Variants in ATAD2 observed in about 807,000 individuals in gnomAD.
The protein encoded by ATAD2 is ATPase family AAA domain-containing protein 2.
Under a neutral mutation model 168.9 loss-of-function variants are expected in ATAD2, and 62 were observed. That is an observed-to-expected ratio of 0.37 (90% CI 0.30 to 0.45). ATAD2 has a LOEUF of 0.45. Among genes scored for constraint, ATAD2 ranks in the 20% least tolerant of loss-of-function variants. ATAD2 has a pLI of 1.00. For missense variants in ATAD2, 1,419 were observed against 1,667.8 expected, an observed-to-expected ratio of 0.85 and a Z score of 2.60; for synonymous variants, 613 against 571.6, an observed-to-expected ratio of 1.07 and a Z score of -1.03.
In ATAD2 at chr8:123,344,902, A is replaced by T; in HGVS notation, c.2700T>A (p.His900Gln). The change falls in exon 19 of 28, where the codon CAT becomes CAA. Residue 900 changes from histidine (H) to glutamine (Q), a missense_variant. Physicochemically the swap from His to Gln is conservative, Grantham distance 24. Transcript: ENST00000287394. ...VLLLATSDKP[H>Q]SALPEEVQEL... ...AAATTACCTCTTCTGGCAAAGCGGA[A>T]TGGGGTTTGTCAGAAGTTGCAAGTA... The T allele has an allele frequency of 6.2e-7, 1 of 1,614,034 alleles. No individual in the cohort carries two copies. Among genetic ancestry groups the T allele is most frequent in the Non-Finnish European group, 8.5e-7 (1 of 1,179,916 alleles).
At chr8:123,356,282 C>G in intron 13 of ATAD2, 107 bp downstream of exon 13, 1 of 885,436 alleles carries the variant, frequency 1.1e-6, no homozygotes, top group Non-Finnish European at 1.7e-6. Flanking sequence ...AAAAAAGGAA[C>G]TACTAGCTTA....
In ATAD2 at chr8:123,372,799, C is replaced by T. The variant is rs368608548; in HGVS notation, c.321-113G>A. 249 of 814,730 alleles carry T rather than the reference C, an allele frequency of 3.1e-4. 2 individuals carry two copies. The South Asian group carries it at 4.1e-3, about 13-fold the overall frequency. 50.5% of individuals were successfully genotyped at this position (814,730 alleles called of 1,614,324 possible). A position where few individuals can be genotyped will look rare whatever the true frequency, so the allele number is the denominator to read the frequency against. On this transcript the variant is annotated intron_variant, in intron 2 of 27. Coordinates refer to ENST00000287394, the MANE Select transcript of ATAD2 (RefSeq NM_014109.4). ...CAGGAGTGCAGTGGCACAATCATGA[C>T]TCACTACAGCCTCAAACTGCTGGGC... is the stretch of plus-strand genomic sequence containing the variant.
intron 2 of ATAD2, among the ~76,000 whole-genome samples, chr8:123,376,727 G>A (rs947153148): frequency 3.3e-5 from 5 of 152,126 alleles, no homozygotes; most frequent in African/African-American, 4.8e-5. Flanking sequence ...GGCTGAGGCA[G>A]GGGGATTGCT....
At chr8:123,407,590 G>A (rs1307424781) in intron 1 of ATAD2, among the ~76,000 whole-genome samples, 2 of 152,106 alleles carry the variant, frequency 1.3e-5, no homozygotes, top group Non-Finnish European at 2.9e-5. Flanking sequence ...TGGGTGTGGT[G>A]GCGGGCGCCT....
At chr8:123,354,026 C>T (rs927023518) in intron 13 of ATAD2, among the ~76,000 whole-genome samples, 1 of 151,674 alleles carries the variant, frequency 6.6e-6, no homozygotes, top group South Asian at 2.1e-4. Context: ...CCCAGCTACT[C>T]GGGAGGCTGA....
intron 2 of ATAD2, among the ~76,000 whole-genome samples, chr8:123,376,249 T>C (rs1347057109): frequency 6.6e-6 from 1 of 151,466 alleles, no homozygotes; most frequent in African/African-American, 2.4e-5. Context: ...CTACTAAAAA[T>C]AGAAAAATTA....
intron 24 of ATAD2, among the ~76,000 whole-genome samples, chr8:123,330,742 G>A (rs1377500843): frequency 1.3e-5 from 2 of 152,026 alleles, no homozygotes; most frequent in Non-Finnish European, 2.9e-5. Flanking sequence ...CTTCTGCTTT[G>A]TCATATAATG....
intron 3 of ATAD2, 55 bp from the exon 4 acceptor site, chr8:123,371,890 T>TA (rs1829160608): frequency 7.3e-7 from 1 of 1,375,960 alleles, no homozygotes; most frequent in Non-Finnish European, 9.6e-7. Context: ...ATAGTATTTA[T>TA]AAAACAATTC....
rs561109150 is a variant in ATAD2, at chr8:123,396,078, C to CA, written c.171+108dup. ...GTCCTCGACCACACTTCTCCCCCGA[C>CA]AACTGTCACCCTGACCGGCGCCGCC... On this transcript the variant is annotated intron_variant, in intron 1 of 27. Transcript: ENST00000287394. 49 of 1,245,348 alleles carry CA rather than the reference C, an allele frequency of 3.9e-5. 1 individual carries two copies. In the South Asian group the frequency reaches 7.3e-4, roughly 19 times the overall value. The allele number at this position is 1,245,348 out of a possible 1,614,324, so 77.1% of individuals were successfully genotyped here.
At chr8:123,366,772 A>C (rs921290169) in intron 8 of ATAD2, among the ~76,000 whole-genome samples, 1 of 152,060 alleles carries the variant, frequency 6.6e-6, no homozygotes, top group Non-Finnish European at 1.5e-5. Context: ...AAAGACAACA[A>C]GTTGTGTTCA....
chr8:123,370,445 C>G (rs1192436780), intron 6 of ATAD2, among the ~76,000 whole-genome samples: 1 of 152,046 alleles, frequency 6.6e-6, no homozygotes, highest in Non-Finnish European at 1.5e-5. Context: ...TTTCACCCAG[C>G]CCATCTGGCT....
At chr8:123,340,132 C>T (rs1354580399) in intron 19 of ATAD2, among the ~76,000 whole-genome samples, 1 of 152,136 alleles carries the variant, frequency 6.6e-6, no homozygotes, top group Non-Finnish European at 1.5e-5. Context: ...TTAAGTGATC[C>T]TCCTGCCCTG....
At position 123,396,229 on chromosome 8, in the gene ATAD2, G is replaced by A. The variant is rs1414621647; in HGVS notation, c.129C>T (p.Gly43=). The part of the protein sequence containing the change: ...HIGRRRLRSA[G]AAQKKPAATT... ...TCGCCGCGGGTTTCTTCTGCGCCGC[G>A]CCGGCCGAGCGGAGCCGCCTCCGGC... The change falls in exon 1 of 28, where the codon GGC becomes GGT. Residue 43 remains glycine, a synonymous_variant. Transcript: ENST00000287394. 1.9e-6 allele frequency: 3 copies of A among 1,601,188 alleles called. No homozygotes were observed. The highest frequency in any genetic ancestry group is 1.8e-4 in the Middle Eastern group (1 of 5,562).
chr8:123,349,384 C>T lies in ATAD2; in HGVS notation c.1707G>A (p.Val569=), dbSNP rs149210840. ...MDGLDSRGEI[V]VIGATNRLDS... ...CTAGCCTGTTCGTAGCACCAATGAC[C>T]ACAATTTCCCCTCTGCTGTCCAATC... is the stretch of plus-strand genomic sequence containing the variant. The change falls in exon 14 of 28, where the codon GTG becomes GTA. Residue 569 remains valine (V), a synonymous_variant. Transcript: ENST00000287394. 3 of 1,614,040 alleles carry T rather than the reference C, an allele frequency of 1.9e-6. No individual in the cohort carries two copies. Among genetic ancestry groups the T allele is most frequent in the Non-Finnish European group, 2.5e-6 (3 of 1,180,004 alleles).
intron 26 of ATAD2, among the ~76,000 whole-genome samples, chr8:123,325,329 C>A (rs1827583150): frequency 6.6e-6 from 1 of 151,458 alleles, no homozygotes; most frequent in African/African-American, 2.4e-5. Flanking sequence ...ATCGCCCAGG[C>A]TGGAGTGCAG....
At chr8:123,354,565 G>A (rs898236109) in intron 13 of ATAD2, among the ~76,000 whole-genome samples, 3 of 151,802 alleles carry the variant, frequency 2.0e-5, no homozygotes, top group Non-Finnish European at 4.4e-5. Flanking sequence ...GAACAGGCTG[G>A]GTGCGGTGGC....
upstream of ATAD2, chr8:123,401,377 G>T: frequency 1.4e-6 from 2 of 1,406,946 alleles, no homozygotes; most frequent in Non-Finnish European, 2.0e-6. Flanking sequence ...GGCGGGTGTC[G>T]ACGTCATAGT....
At chr8:123,355,297 C>T (rs992159588) in intron 13 of ATAD2, among the ~76,000 whole-genome samples, 11 of 152,144 alleles carry the variant, frequency 7.2e-5, no homozygotes, top group African/African-American at 2.7e-4. Context: ...ACATTATCTA[C>T]AATATAAAAC....
rs574600889 is a variant in ATAD2 at position 123,380,077 on chromosome 8, A to G, written c.320+452T>C. Among the ~76,000 whole-genome samples, 13 of 151,276 alleles carry G rather than the reference A, an allele frequency of 8.6e-5. No homozygotes were observed. In the South Asian group the frequency reaches 2.7e-3, roughly 32 times the overall value. ...AATTTTGTATATATTTTTTTGAGAC[A>G]GTCTCGCTCTGTCGCCCAGGCTGAA... On this transcript the variant is annotated intron_variant, in intron 2 of 27. Transcript: ENST00000287394.
Sources: allele counts gnomAD v4.1 joint callset (sites outside exome capture counted in the v4.1 genomes callset), GRCh38; gene constraint gnomAD v4.1.1; transcripts MANE v1.5; gene names NCBI Gene and HGNC (gene_info 2026-07-23, HGNC 2026-07-21).